The following PACSIN2 variants were observed in gnomAD, a reference collection of about 807,000 sequenced individuals.
PACSIN2 encodes protein kinase C and casein kinase substrate in neurons protein 2.
PACSIN2 carries 25 observed loss-of-function variants against 63.8 expected under a neutral mutation model. The observed-to-expected ratio is 0.39, with a 90% CI of 0.29 to 0.55. The LOEUF is 0.55. PACSIN2 is among the 20% of genes least tolerant of loss of function. PACSIN2 has a pLI of 0.62. For missense variants in PACSIN2, 518 were observed against 646.9 expected, an observed-to-expected ratio of 0.80 and a Z score of 2.16; for synonymous variants, 255 against 256.2, an observed-to-expected ratio of 1.00 and a Z score of 0.05.
At chr22:42,987,960 G>C (rs1364897265) in intron 1 of PACSIN2, among the ~76,000 whole-genome samples, 2 of 151,930 alleles carry the variant, frequency 1.3e-5, no homozygotes, top group African/African-American at 4.8e-5. Flanking sequence ...GGCCAACATG[G>C]TGAAACCCCG....
In PACSIN2 at chr22:42,893,611, G is replaced by A. The variant is rs747372301; in HGVS notation, c.63C>T (p.Val21=). 1.7e-5 allele frequency: 28 copies of A among 1,611,662 alleles called. No individual in the cohort carries two copies. Among genetic ancestry groups the A allele is most frequent in the East Asian group, 1.1e-4 (5 of 44,824 alleles). The part of the protein sequence containing the change: ...VEVSSDSFWE[V]GNYKRTVKRI... ...GCTTCACAGTCCGCTTGTAGTTCCCGACCTAGGAGAGAGAACCAGCTGGGA... is the reference window on the plus strand; with the variant it reads ...GCTTCACAGTCCGCTTGTAGTTCCCAACCTAGGAGAGAGAACCAGCTGGGA... Residue 21 remains valine, a splice_region_variant and synonymous_variant, in exon 3 of 11, where the codon GTC becomes GTT. Transcript: ENST00000263246.
chr22:42,957,060 C>T (rs1304065823), intron 1 of PACSIN2, among the ~76,000 whole-genome samples: 1 of 152,104 alleles, frequency 6.6e-6, no homozygotes, highest in African/African-American at 2.4e-5. Flanking sequence ...GAGAAGCGAA[C>T]TAAGCCACTG....
chr22:42,976,159 G>A (rs1246920609), intron 1 of PACSIN2, among the ~76,000 whole-genome samples: 2 of 152,216 alleles, frequency 1.3e-5, no homozygotes, highest in East Asian at 1.9e-4. Flanking sequence ...TCACCTAGAG[G>A]GAGTACAGAA....
At chr22:42,971,816 G>T (rs1304240351) in intron 1 of PACSIN2, among the ~76,000 whole-genome samples, 1 of 149,710 alleles carries the variant, frequency 6.7e-6, no homozygotes, top group Admixed American at 6.6e-5. Flanking sequence ...GGCAGCCCCC[G>T]CCCGGCCAGC....
At chr22:42,930,070 C>T (rs887380311) in intron 1 of PACSIN2, among the ~76,000 whole-genome samples, 2 of 152,104 alleles carry the variant, frequency 1.3e-5, no homozygotes, top group African/African-American at 4.8e-5. Context: ...CAAAGTTCGC[C>T]GTGTTAAATA....
chr22:42,895,350 A>G (rs1379171010), intron 2 of PACSIN2, among the ~76,000 whole-genome samples: 1 of 152,226 alleles, frequency 6.6e-6, no homozygotes, highest in Non-Finnish European at 1.5e-5. Flanking sequence ...AGCTGGTGGT[A>G]GGAGGAGCTG....
chr22:42,876,068 C>G, intron 10 of PACSIN2, 69 bp downstream of exon 10: 1 of 1,413,580 alleles, frequency 7.1e-7, no homozygotes, highest in Non-Finnish European at 9.7e-7. Context: ...ACTTAAAAAA[C>G]AAAAAAGACC....
At chr22:42,997,721 T>C (rs1923507441) in intron 1 of PACSIN2, among the ~76,000 whole-genome samples, 1 of 151,836 alleles carries the variant, frequency 6.6e-6, no homozygotes, top group Non-Finnish European at 1.5e-5. Flanking sequence ...CAACAAAAAT[T>C]AGCCAGGCAT....
chr22:42,944,198 G>C (rs771149502), intron 1 of PACSIN2, among the ~76,000 whole-genome samples: 6 of 152,164 alleles, frequency 3.9e-5, no homozygotes, highest in African/African-American at 1.2e-4. Context: ...CCTGGCCTGA[G>C]GGACTCTGTG....
At chr22:42,878,956 G>C (rs1928856714) in intron 8 of PACSIN2, 92 bp downstream of exon 8, 19 of 1,406,552 alleles carry the variant, frequency 1.4e-5, no homozygotes, top group Non-Finnish European at 1.8e-5. Flanking sequence ...AACCTCCCAG[G>C]TGTCCAGGCC....
chr22:42,965,610 G>C (rs1920946811), intron 1 of PACSIN2, among the ~76,000 whole-genome samples: 1 of 152,158 alleles, frequency 6.6e-6, no homozygotes, highest in Non-Finnish European at 1.5e-5. Flanking sequence ...TAAGTTCTGT[G>C]TCATTTTAGC....
At chr22:42,885,459 C>A (rs1929405120) in intron 5 of PACSIN2, among the ~76,000 whole-genome samples, 1 of 152,034 alleles carries the variant, frequency 6.6e-6, no homozygotes, top group Admixed American at 6.5e-5. Context: ...GTCACGGGCT[C>A]CACTCAGGTC....
chr22:42,894,434 G>A (rs576562608), intron 2 of PACSIN2, among the ~76,000 whole-genome samples: 2 of 152,230 alleles, frequency 1.3e-5, no homozygotes, highest in Admixed American at 6.5e-5. Flanking sequence ...GTGGAGACAG[G>A]GTTTCACCAT....
At chr22:42,939,780 C>G (rs1313668358) in intron 1 of PACSIN2, among the ~76,000 whole-genome samples, 1 of 152,148 alleles carries the variant, frequency 6.6e-6, no homozygotes, top group Admixed American at 6.5e-5. Flanking sequence ...CACTCCCTGG[C>G]CAGCCTAGTT....
chr22:42,917,430 G>T (rs1026950031), intron 1 of PACSIN2, among the ~76,000 whole-genome samples: 4 of 152,130 alleles, frequency 2.6e-5, no homozygotes, highest in African/African-American at 9.7e-5. Flanking sequence ...AACATAGTGA[G>T]ATCCCATCTC....
At chr22:43,012,298 ACT>A (rs1433402517) in intron 1 of PACSIN2, among the ~76,000 whole-genome samples, 2 of 128,066 alleles carry the variant, frequency 1.6e-5, no homozygotes, top group African/African-American at 3.0e-5. Context: ...CTGGGCAGAG[ACT>A]CTCTCTCAAA....
intron 1 of PACSIN2, among the ~76,000 whole-genome samples, chr22:42,977,149 GGAA>G (rs1476650841): frequency 2.0e-5 from 3 of 152,038 alleles, no homozygotes; most frequent in Non-Finnish European, 4.4e-5. Context: ...GACCATGGAT[GGAA>G]GAAGAAACAA....
intron 5 of PACSIN2, among the ~76,000 whole-genome samples, chr22:42,886,664 A>T (rs1929510538): frequency 1.3e-5 from 2 of 152,118 alleles, no homozygotes. Context: ...ATGAGGTCTC[A>T]CTATGTTTCC....
chr22:42,998,859 A>G (rs148846555), intron 1 of PACSIN2, among the ~76,000 whole-genome samples: 1 of 152,272 alleles, frequency 6.6e-6, no homozygotes, highest in Non-Finnish European at 1.5e-5. Context: ...AGAGGAGAGA[A>G]GAGAGGAAGT....
Sources: gnomAD v4.1 joint callset for allele counts (sites outside exome capture counted in the v4.1 genomes callset) on GRCh38, gnomAD v4.1.1 for gene constraint, MANE v1.5 for transcripts, NCBI Gene and HGNC (gene_info 2026-07-23, HGNC 2026-07-21) for gene names.